The following PPARGC1A variants were observed in gnomAD, a reference collection of about 807,000 sequenced individuals.
PPARGC1A encodes the protein peroxisome proliferator-activated receptor gamma coactivator 1-alpha.
PPARGC1A carries 25 observed loss-of-function variants against 88.7 expected under a neutral mutation model. The observed-to-expected ratio is 0.28, with a 90% CI of 0.21 to 0.39. PPARGC1A has a LOEUF of 0.39. Among genes scored for constraint, PPARGC1A ranks in the 10% least tolerant of loss-of-function variants. The pLI is 1.00. For synonymous variants in PPARGC1A, 363 were observed against 355.6 expected, an observed-to-expected ratio of 1.02 and a Z score of -0.24; for missense variants, 880 against 968.7, an observed-to-expected ratio of 0.91 and a Z score of 1.22.
At chr4:24,246,351 C>T in the PPARGC1A span, among the ~76,000 whole-genome samples, 7 of 152,084 alleles carry the variant, frequency 4.6e-5, no homozygotes, top group Admixed American at 3.9e-4. Context: ...AATGTTTGTG[C>T]CTGGGGAAAC....
At chr4:24,036,871 A>G in the PPARGC1A span, among the ~76,000 whole-genome samples, 2 of 152,250 alleles carry the variant, frequency 1.3e-5, no homozygotes, top group African/African-American at 4.8e-5. Flanking sequence ...CAAATCAAAA[A>G]TAAATGTCAA....
At chr4:24,376,412 T>C in the PPARGC1A span, among the ~76,000 whole-genome samples, 12 of 152,340 alleles carry the variant, frequency 7.9e-5, no homozygotes, top group African/African-American at 2.6e-4. Flanking sequence ...ATCAGTTCCA[T>C]TGATAGGTCA....
chr4:23,864,560 T>C (rs987213714), intron 2 of PPARGC1A, among the ~76,000 whole-genome samples: 1 of 151,964 alleles, frequency 6.6e-6, no homozygotes, highest in Non-Finnish European at 1.5e-5. Context: ...TCAAAGGAAA[T>C]GATGGAGGAA....
chr4:23,852,767 T>C (rs1425130876), intron 2 of PPARGC1A, among the ~76,000 whole-genome samples: 4 of 152,216 alleles, frequency 2.6e-5, no homozygotes, highest in Non-Finnish European at 5.9e-5. Context: ...ACTTACCATA[T>C]AAAGCCTAGT....
the PPARGC1A span, among the ~76,000 whole-genome samples, chr4:23,979,239 T>C: frequency 0.017 from 2,540 of 152,268 alleles, 71 homozygotes; most frequent in African/African-American, 0.057. Context: ...AAAAAACCAT[T>C]AATAAAAATT....
intron 2 of PPARGC1A, among the ~76,000 whole-genome samples, chr4:23,842,334 CTCTTTACA>C (rs1727201099): frequency 6.6e-6 from 1 of 152,050 alleles, no homozygotes; most frequent in South Asian, 2.1e-4. Context: ...ATGTTCTTCC[CTCTTTACA>C]TCTTTTGTTT....
the PPARGC1A span, among the ~76,000 whole-genome samples, chr4:24,471,649 C>T: frequency 6.6e-6 from 1 of 152,290 alleles, no homozygotes; most frequent in Non-Finnish European, 1.5e-5. The surrounding 1 kb of genome is among the most constrained non-coding windows in gnomAD (Gnocchi z 5.4). Flanking sequence ...CCCCCAGCGT[C>T]CCTGGGCCCC....
chr4:24,215,492 G>A, the PPARGC1A span, among the ~76,000 whole-genome samples: 1 of 152,128 alleles, frequency 6.6e-6, no homozygotes, highest in African/African-American at 2.4e-5. Flanking sequence ...TCCTGCCTTT[G>A]CTAATGACTT....
the PPARGC1A span, among the ~76,000 whole-genome samples, chr4:24,090,053 C>T: frequency 6.6e-6 from 1 of 152,216 alleles, no homozygotes; most frequent in East Asian, 1.9e-4. Context: ...CTAGTTTAAA[C>T]ATTTTATCCA....
the PPARGC1A span, among the ~76,000 whole-genome samples, chr4:24,305,754 G>A: frequency 6.6e-6 from 1 of 152,178 alleles, no homozygotes; most frequent in African/African-American, 2.4e-5. Flanking sequence ...GGAGGTTGCA[G>A]TAAGCCAAGA....
the PPARGC1A span, among the ~76,000 whole-genome samples, chr4:23,952,970 A>G: frequency 1.3e-5 from 2 of 152,090 alleles, no homozygotes; most frequent in African/African-American, 2.4e-5. Context: ...TGAATGCATT[A>G]TATTACTACT....
At chr4:24,381,106 A>T in the PPARGC1A span, among the ~76,000 whole-genome samples, 2 of 152,160 alleles carry the variant, frequency 1.3e-5, no homozygotes, top group African/African-American at 4.8e-5. Context: ...GAGGAAACAG[A>T]GACAGAATGG....
chr4:24,324,009 G>T, the PPARGC1A span, among the ~76,000 whole-genome samples: 2 of 152,120 alleles, frequency 1.3e-5, no homozygotes, highest in African/African-American at 4.8e-5. Flanking sequence ...AAAGAGACAC[G>T]TTTTGTCCGT....
chr4:24,286,996 G>A, the PPARGC1A span, among the ~76,000 whole-genome samples: 1 of 152,134 alleles, frequency 6.6e-6, no homozygotes, highest in Non-Finnish European at 1.5e-5. Context: ...ACCCCAGGAT[G>A]GAGATCAGTC....
rs1414816566 is a variant in PPARGC1A, at chr4:23,828,560, C to T, written c.597G>A (p.Gln199=). ...AGCAGGGACGTCTTTGTGGCTTTTG[C>T]TGTTGACAAATACTCTTCGCTTTAT... The part of the protein sequence containing the change: ...WSNKAKSICQ[Q]QKPQRRPCSE... Residue 199 remains glutamine, a synonymous_variant, in exon 5 of 13, where the codon CAG becomes CAA. Transcript: ENST00000264867. 4 of 1,614,004 alleles carry T rather than the reference C, an allele frequency of 2.5e-6. No homozygotes were observed. Among genetic ancestry groups the T allele is most frequent in the Non-Finnish European group, 3.4e-6 (4 of 1,180,004 alleles).
the PPARGC1A span, among the ~76,000 whole-genome samples, chr4:24,327,185 C>T: frequency 6.6e-6 from 1 of 152,202 alleles, no homozygotes; most frequent in African/African-American, 2.4e-5. Flanking sequence ...CCCATTTGAG[C>T]TCCTGTATAG....
chr4:24,154,165 G>A, the PPARGC1A span, among the ~76,000 whole-genome samples: 1 of 152,138 alleles, frequency 6.6e-6, no homozygotes, highest in African/African-American at 2.4e-5. Context: ...AAACCTACCT[G>A]AGTGATGCCC....
chr4:23,828,630 T>A (rs754963862), intron 4 of PPARGC1A, 26 bp from the exon 5 acceptor site: 7 of 1,604,866 alleles, frequency 4.4e-6, no homozygotes, highest in Non-Finnish European at 5.1e-6. Context: ...TAAAGAAAGC[T>A]AAAATTAGTG....
chr4:23,892,940 C>G (rs138015152), upstream of PPARGC1A, among the ~76,000 whole-genome samples: 305 of 152,274 alleles, frequency 2.0e-3, no homozygotes, highest in African/African-American at 7.0e-3. Context: ...AAAACACACC[C>G]TGGTGAGATA....
Sources: gnomAD v4.1 joint callset for allele counts (sites outside exome capture counted in the v4.1 genomes callset) on GRCh38, gnomAD v4.1.1 for gene constraint, Gnocchi (gnomAD v3.1) non-coding constraint, MANE v1.5 for transcripts, NCBI Gene and HGNC (gene_info 2026-07-23, HGNC 2026-07-21) for gene names.